Variants in KL observed in about 807,000 individuals in gnomAD.
KL encodes the protein klotho, also known as alpha-klotho.
In KL, 62 loss-of-function variants were observed where a neutral mutation model predicts 84.2. The observed-to-expected ratio is 0.74, with a 90% CI of 0.60 to 0.91. The LOEUF is 0.91. Ranked by LOEUF, KL falls within the 40% of genes least tolerant of loss-of-function variation. The pLI is 0.00. For missense variants in KL, 1,261 were observed against 1,305.7 expected (o/e 0.97, Z 0.53); for synonymous variants, 528 against 528.0 (o/e 1.00, Z 0.00).
chr13:33,016,368 G>T, upstream of KL: 1 of 165,024 alleles, frequency 6.1e-6, no homozygotes, highest in South Asian at 1.8e-4. Context: ...GCCGGCGGTG[G>T]GCGGGCGGGC....
At chr13:33,052,493 G>C (rs182687889) in intron 1 of KL, among the ~76,000 whole-genome samples, 1 of 152,066 alleles carries the variant, frequency 6.6e-6, no homozygotes, top group Non-Finnish European at 1.5e-5. Context: ...GCTTCAGGTC[G>C]TGAAAAAATA....
In KL at chr13:33,060,922, A is replaced by G; in HGVS notation, c.1843A>G (p.Ile615Val). 2.5e-6 allele frequency: 4 copies of G among 1,613,816 alleles called. No individual in the cohort carries two copies. Among genetic ancestry groups the G allele is most frequent in the South Asian group, 1.1e-5 (1 of 91,070 alleles). The change falls in exon 4 of 5, where the codon ATC becomes GTC. Residue 615 changes from isoleucine (I) to valine (V), a missense_variant. Transcript: ENST00000380099. ...TAACCAGTCCCAGGTGAACCACACC[A>G]TCCTGCAGTACTATCGCTGCATGGC... is the stretch of plus-strand genomic sequence containing the variant. Reference protein sequence around the residue: ...LGNQSQVNHTILQYYRCMASE... With the variant: ...LGNQSQVNHTVLQYYRCMASE...
intron 1 of KL, among the ~76,000 whole-genome samples, chr13:33,028,368 A>G (rs926900170): frequency 6.6e-6 from 1 of 152,232 alleles, no homozygotes; most frequent in African/African-American, 2.4e-5. Flanking sequence ...TAAACTGTCA[A>G]TCATTCATGA....
At chr13:33,058,510 T>G (rs979418772) in intron 3 of KL, among the ~76,000 whole-genome samples, 1 of 152,012 alleles carries the variant, frequency 6.6e-6, no homozygotes, top group Non-Finnish European at 1.5e-5. Flanking sequence ...CCGGCTAATT[T>G]TTTGTATTTT....
At chr13:33,043,424 T>A (rs1871409240) in intron 1 of KL, among the ~76,000 whole-genome samples, 1 of 152,164 alleles carries the variant, frequency 6.6e-6, no homozygotes, top group African/African-American at 2.4e-5. Flanking sequence ...TTCACCATGT[T>A]GCCCAAGTTG....
intron 1 of KL, among the ~76,000 whole-genome samples, chr13:33,022,970 T>C (rs1870628635): frequency 1.3e-5 from 2 of 152,200 alleles, no homozygotes; most frequent in South Asian, 4.1e-4. Flanking sequence ...GTAAAGATTT[T>C]CCTAGGCAGA....
chr13:33,019,115 T>C (rs1302049330), intron 1 of KL, among the ~76,000 whole-genome samples: 2 of 151,852 alleles, frequency 1.3e-5, no homozygotes, highest in Non-Finnish European at 2.9e-5. Flanking sequence ...CATTTGCTGA[T>C]GTTGCAAACA....
At chr13:33,057,282 G>C (rs1288011001) in intron 3 of KL, among the ~76,000 whole-genome samples, 1 of 152,174 alleles carries the variant, frequency 6.6e-6, no homozygotes, top group Non-Finnish European at 1.5e-5. Context: ...CAGAACAAGA[G>C]TGGGGGTGTC....
At chr13:33,063,543 C>A (rs1423569338) in intron 4 of KL, among the ~76,000 whole-genome samples, 1 of 152,032 alleles carries the variant, frequency 6.6e-6, no homozygotes, top group African/African-American at 2.4e-5. Flanking sequence ...GAGGCTGAGG[C>A]AGGCAGATCA....
intron 3 of KL, among the ~76,000 whole-genome samples, chr13:33,059,762 C>T (rs536169147): frequency 3.9e-5 from 6 of 152,064 alleles, no homozygotes; most frequent in African/African-American, 4.8e-5. Flanking sequence ...TGAGCCACTG[C>T]GCCTGGCCTC....
chr13:33,034,552 T>A (rs911184720), intron 1 of KL, among the ~76,000 whole-genome samples: 13 of 150,642 alleles, frequency 8.6e-5, no homozygotes, highest in South Asian at 2.1e-4. Context: ...AAAAAAAAAA[T>A]AAATAAAATG....
rs564481 is a variant in KL at position 33,060,846 on chromosome 13, C to T, written c.1767C>T (p.His589=). Residue 589 remains histidine, a synonymous_variant, in exon 4 of 5, where the codon CAC becomes CAT. Transcript: ENST00000380099. Reference sequence around the variant, plus strand: ...AGATCGCTTTACTCCAGGAAATGCACGTTACACATTTTCGCTTCTCCCTGG... The same window carrying T: ...AGATCGCTTTACTCCAGGAAATGCATGTTACACATTTTCGCTTCTCCCTGG... ...QPQIALLQEM[H]VTHFRFSLDW... 613,926 of 1,614,016 alleles carry T rather than the reference C, an allele frequency of 0.38. 122,702 individuals carry two copies. Among genetic ancestry groups the T allele is most frequent in the Admixed American group, 0.52 (31,053 of 60,020 alleles).
At chr13:33,030,800 G>T (rs1407257725) in intron 1 of KL, among the ~76,000 whole-genome samples, 1 of 152,058 alleles carries the variant, frequency 6.6e-6, no homozygotes, top group Non-Finnish European at 1.5e-5. Context: ...ACTGAAACAG[G>T]AACCATCAGA....
intron 1 of KL, among the ~76,000 whole-genome samples, chr13:33,046,909 CT>C (rs1386641425): frequency 6.6e-6 from 1 of 151,952 alleles, no homozygotes; most frequent in Admixed American, 6.6e-5. Context: ...TGACTTATTG[CT>C]TGTTTGAGTG....
chr13:33,062,502 G>A (rs578058901), intron 4 of KL, among the ~76,000 whole-genome samples: 13 of 151,622 alleles, frequency 8.6e-5, no homozygotes, highest in East Asian at 1.9e-4. Flanking sequence ...GTGAAACCCC[G>A]TCTCTACTGA....
At chr13:33,041,204 A>G (rs1331327856) in intron 1 of KL, among the ~76,000 whole-genome samples, 1 of 152,162 alleles carries the variant, frequency 6.6e-6, no homozygotes, top group Non-Finnish European at 1.5e-5. Context: ...ACTGGGAATC[A>G]CAACAGTGGT....
At chr13:33,038,609 A>G (rs1593797522) in intron 1 of KL, among the ~76,000 whole-genome samples, 1 of 152,346 alleles carries the variant, frequency 6.6e-6, no homozygotes, top group East Asian at 1.9e-4. Context: ...AATAAATCCC[A>G]GTTACTAGAC....
chr13:33,039,984 C>T (rs1871279832), intron 1 of KL, among the ~76,000 whole-genome samples: 1 of 152,134 alleles, frequency 6.6e-6, no homozygotes, highest in Non-Finnish European at 1.5e-5. Context: ...GGTAGGGGTG[C>T]CAAGCTGCTG....
In KL at chr13:33,066,143, A is replaced by C. The variant is rs1872404171; in HGVS notation, c.*1957A>C. On this transcript the variant is annotated 3_prime_UTR_variant, in exon 5 of 5. Transcript: ENST00000380099. Reference sequence around the variant, plus strand: ...CAACTTTTTGCCTTCTTTCATAATCATATGAGTGGTTGCTAGCTAATTTTT... The same window carrying C: ...CAACTTTTTGCCTTCTTTCATAATCCTATGAGTGGTTGCTAGCTAATTTTT... The C allele has an allele frequency of 6.0e-6, 1 of 167,994 alleles. No individual in the cohort carries two copies. The highest frequency in any genetic ancestry group is 2.4e-5 in the African/African-American group (1 of 41,984). The allele number at this position is 167,994 out of a possible 1,614,324, so 10.4% of individuals were successfully genotyped here.
Sources: allele counts gnomAD v4.1 joint callset (sites outside exome capture counted in the v4.1 genomes callset), GRCh38; gene constraint gnomAD v4.1.1; transcripts MANE v1.5; gene names NCBI Gene and HGNC (gene_info 2026-07-23, HGNC 2026-07-21).